The following USP47 variants were observed in gnomAD, a reference collection of about 807,000 sequenced individuals.
USP47 encodes ubiquitin carboxyl-terminal hydrolase 47.
A neutral mutation model predicts 165.1 loss-of-function variants in USP47; 35 were observed. That is an observed-to-expected ratio of 0.21 (90% CI 0.16 to 0.28). The LOEUF is 0.28. USP47 is among the 10% of genes least tolerant of loss of function. USP47 has a pLI of 1.00. For missense variants in USP47, 1,277 were observed against 1,607.4 expected (o/e 0.79, Z 3.52); for synonymous variants, 531 against 544.5 (o/e 0.98, Z 0.35).
chr11:11,857,887 GA>G (rs1227532130), intron 1 of USP47, among the ~76,000 whole-genome samples: 2 of 152,116 alleles, frequency 1.3e-5, no homozygotes, highest in African/African-American at 4.8e-5. Flanking sequence ...CATTTGCATA[GA>G]AGTGCAGCTT....
intron 1 of USP47, among the ~76,000 whole-genome samples, chr11:11,865,158 G>T (rs1399410166): frequency 6.6e-6 from 1 of 152,048 alleles, no homozygotes. Flanking sequence ...CTTATTTGGG[G>T]TTTGCTCAGC....
In USP47 at chr11:11,920,486, G is replaced by A; in HGVS notation, c.1210G>A (p.Glu404Lys). ...ELDMSTFIDV[E>K]DEKSPQTESC... is the part of the protein sequence containing the mutation. ...AGATATGAGTACTTTTATTGATGTT[G>A]AAGATGAGGTAAATATTTGTTATTT... The change falls in exon 10 of 28, where the codon GAA becomes AAA. Residue 404 changes from glutamate (E) to lysine (K), a missense_variant. Physicochemically the swap from Glu to Lys is moderately conservative, Grantham distance 56 (BLOSUM62 1). This residue lies in a region of USP47 where 175 missense variants were observed against 295.8 expected (regional missense o/e 0.59). Coordinates refer to ENST00000527733, the MANE Select transcript of USP47 (RefSeq NM_001282659.2). 1 of 1,602,214 alleles carries A rather than the reference G, an allele frequency of 6.2e-7. No individual in the cohort carries two copies. Among genetic ancestry groups the A allele is most frequent in the East Asian group, 2.2e-5 (1 of 44,560 alleles).
chr11:11,955,683 C>T (rs889592207), intron 27 of USP47, among the ~76,000 whole-genome samples: 9 of 152,210 alleles, frequency 5.9e-5, no homozygotes, highest in Admixed American at 5.9e-4. Context: ...ACAATGATGT[C>T]TACCTTGCAG....
At chr11:11,927,725 T>A (rs187145300) in intron 11 of USP47, among the ~76,000 whole-genome samples, 21 of 152,238 alleles carry the variant, frequency 1.4e-4, no homozygotes, top group African/African-American at 5.1e-4. Flanking sequence ...TGAAGATGTA[T>A]CCCCTTTTAA....
chr11:11,878,209 G>A (rs1850604740), intron 1 of USP47, among the ~76,000 whole-genome samples: 2 of 152,070 alleles, frequency 1.3e-5, no homozygotes. Flanking sequence ...ATATGATGTT[G>A]CCACATCACC....
intron 16 of USP47, among the ~76,000 whole-genome samples, chr11:11,936,055 A>C (rs1333475183): frequency 6.6e-6 from 1 of 151,872 alleles, no homozygotes; most frequent in Non-Finnish European, 1.5e-5. Context: ...TTTTTAAAAA[A>C]TAAAAAATGT....
rs1044809002 is a variant in USP47 at position 11,956,421 on chromosome 11, AAC to A, written c.*248_*249del. On this transcript the variant is annotated 3_prime_UTR_variant, in exon 28 of 28. Coordinates refer to ENST00000527733, the MANE Select transcript of USP47 (RefSeq NM_001282659.2). ...AGGGATGTGCAAAAAAATAAAAAAA[AAC>A]AACAAAAAAAGCTAACCTTCTATTA... 6.0e-6 allele frequency: 2 copies of A among 332,338 alleles called. No individual in the cohort carries two copies. The highest frequency in any genetic ancestry group is 4.3e-5 in the African/African-American group (2 of 46,960). 20.6% of individuals were successfully genotyped at this position (332,338 alleles called of 1,614,324 possible).
intron 1 of USP47, among the ~76,000 whole-genome samples, chr11:11,859,077 G>C (rs372450466): frequency 6.6e-6 from 1 of 152,042 alleles, no homozygotes; most frequent in Non-Finnish European, 1.5e-5. Context: ...GTGTGTAGTG[G>C]TGGTATCTGT....
intron 1 of USP47, among the ~76,000 whole-genome samples, chr11:11,866,384 C>T (rs944169108): frequency 5.3e-5 from 8 of 152,162 alleles, no homozygotes; most frequent in Non-Finnish European, 1.2e-4. Context: ...CATGAACAAT[C>T]TGTTTCATAT....
Position 11,958,352 on chromosome 11 carries a change from AAAAATT to A in USP47, c.*2182_*2187del, listed in dbSNP as rs1847303227. The A allele has an allele frequency of 6.6e-6, 1 of 152,256 alleles. No homozygotes were observed. Among genetic ancestry groups the A allele is most frequent in the Non-Finnish European group, 1.5e-5 (1 of 68,042 alleles). The allele number at this position is 152,256 out of a possible 1,614,324, so 9.4% of individuals were successfully genotyped here. A position where few individuals can be genotyped will look rare whatever the true frequency, so the allele number is the denominator to read the frequency against. On this transcript the variant is annotated 3_prime_UTR_variant, in exon 28 of 28. Coordinates refer to ENST00000527733, the MANE Select transcript of USP47 (RefSeq NM_001282659.2). ...AAAATATATTTCATTATAGAAAAGA[AAAAATT>A]AAAAGCTTCTTGCTTTTCAGTGCCT...
intron 1 of USP47, among the ~76,000 whole-genome samples, chr11:11,862,609 A>G (rs1399302195): frequency 6.6e-6 from 1 of 152,218 alleles, no homozygotes; most frequent in Non-Finnish European, 1.5e-5. Context: ...TTTTTGAGAA[A>G]TTTGAGCCTA....
chr11:11,926,683 T>C (rs1275665512), intron 11 of USP47, among the ~76,000 whole-genome samples: 1 of 151,910 alleles, frequency 6.6e-6, no homozygotes, highest in Non-Finnish European at 1.5e-5. Context: ...TTTCCTTCCT[T>C]CTGCTAACTC....
In USP47 at chr11:11,933,103, G is replaced by A. The variant is rs373066181; in HGVS notation, c.1751G>A (p.Arg584His). The change falls in exon 15 of 28, where the codon CGC becomes CAC. Residue 584 changes from arginine (R) to histidine (H), a missense_variant. Around this residue, in one of 4 missense-constraint regions of USP47, gnomAD observed 909 missense variants for 1,068.1 expected, o/e 0.85. Transcript: ENST00000527733. Reference protein sequence around the residue: ...EQEKRQREIERNTCKIKLFCL... With the variant: ...EQEKRQREIEHNTCKIKLFCL... ...GAAAAGAGACAACGAGAAATTGAGC[G>A]CAATACATGCAAGGTTGAATTCCAT... 38 of 1,612,372 alleles carry A rather than the reference G, an allele frequency of 2.4e-5. No homozygotes were observed. The highest frequency in any genetic ancestry group is 8.9e-5 in the East Asian group (4 of 44,800).
intron 11 of USP47, among the ~76,000 whole-genome samples, chr11:11,923,825 T>G (rs964069012): frequency 1.3e-5 from 2 of 152,230 alleles, no homozygotes; most frequent in Non-Finnish European, 2.9e-5. Flanking sequence ...GGGATTGCTA[T>G]GTAATGAATA....
intron 5 of USP47, among the ~76,000 whole-genome samples, chr11:11,898,671 G>C (rs1258593668): frequency 1.3e-5 from 2 of 152,164 alleles, no homozygotes; most frequent in Non-Finnish European, 2.9e-5. Context: ...GTTTGAAATA[G>C]TTTAAATAAC....
At chr11:11,932,022 G>A (rs1854704073) in intron 14 of USP47, among the ~76,000 whole-genome samples, 1 of 152,134 alleles carries the variant, frequency 6.6e-6, no homozygotes, top group Non-Finnish European at 1.5e-5. Flanking sequence ...AATTTATAAA[G>A]AAAGATTTAA....
At position 11,920,349 on chromosome 11, in the gene USP47, G is replaced by C; in HGVS notation, c.1073G>C (p.Arg358Pro). Residue 358 changes from arginine (R) to proline (P), a missense_variant, in exon 10 of 28, where the codon CGG becomes CCG. Coordinates refer to ENST00000527733, the MANE Select transcript of USP47 (RefSeq NM_001282659.2). Reference sequence around the variant, plus strand: ...TTGTTGTTTGTTTTTTAGGGCCTTCGGTTTTTGCATTTTCCTTATCTGCTG... The same window carrying C: ...TTGTTGTTTGTTTTTTAGGGCCTTCCGTTTTTGCATTTTCCTTATCTGCTG... Reference protein sequence around the residue: ...KKKCDARKGLRFLHFPYLLTL... With the variant: ...KKKCDARKGLPFLHFPYLLTL... The C allele has an allele frequency of 6.2e-7, 1 of 1,604,666 alleles. No homozygotes were observed. The highest frequency in any genetic ancestry group is 8.5e-7 in the Non-Finnish European group (1 of 1,176,118).
intron 1 of USP47, among the ~76,000 whole-genome samples, chr11:11,854,475 A>G (rs2134157520): frequency 6.8e-6 from 1 of 146,954 alleles, no homozygotes; most frequent in East Asian, 2.0e-4. Context: ...AATACATGTA[A>G]TGTGTCATGC....
At chr11:11,881,489 C>G (rs1375505247) in intron 2 of USP47, among the ~76,000 whole-genome samples, 1 of 152,160 alleles carries the variant, frequency 6.6e-6, no homozygotes, top group Non-Finnish European at 1.5e-5. Context: ...AAGTTCCTTA[C>G]TACCTTTATC....
Sources: allele counts gnomAD v4.1 joint callset (sites outside exome capture counted in the v4.1 genomes callset), GRCh38; gene constraint gnomAD v4.1.1; regional missense constraint gnomAD v4.1.1; transcripts MANE v1.5; gene names NCBI Gene and HGNC (gene_info 2026-07-23, HGNC 2026-07-21).